The following CARD8 variants were observed in gnomAD, a reference collection of about 807,000 sequenced individuals.
CARD8 encodes caspase recruitment domain family member 8.
Under a neutral mutation model 53.2 loss-of-function variants are expected in CARD8, and 38 were observed. That is an observed-to-expected ratio of 0.71 (90% confidence interval 0.55 to 0.94). The LOEUF (loss-of-function observed/expected upper bound fraction) is 0.94. Among genes scored for constraint, CARD8 ranks in the 40% least tolerant of loss-of-function variants. CARD8 has a pLI of 0.00. For missense variants in CARD8, 561 were observed against 655.5 expected, an observed-to-expected ratio of 0.86 and a Z score of 1.57; for synonymous variants, 245 against 244.9, an observed-to-expected ratio of 1.00 and a Z score of 0.00.
intron 11 of CARD8, 29 bp downstream of exon 11, chr19:48,221,701 C>T (rs376143416): frequency 1.5e-4 from 219 of 1,483,796 alleles, no homozygotes; most frequent in Middle Eastern, 1.1e-3. Flanking sequence ...ACTCTGAAAC[C>T]TGCTGAGTTG....
intron 10 of CARD8, among the ~76,000 whole-genome samples, chr19:48,227,377 C>T (rs75607266): frequency 0.04 from 6,127 of 151,804 alleles, 393 homozygotes; most frequent in African/African-American, 0.13. Flanking sequence ...AGTTACGAGA[C>T]GAAGAATTCA....
chr19:48,220,057 T>TTTTA (rs1419508715), intron 11 of CARD8, among the ~76,000 whole-genome samples: 4 of 152,214 alleles, frequency 2.6e-5, no homozygotes, highest in African/African-American at 9.6e-5. Flanking sequence ...ATACCCTGCA[T>TTTTA]TTTATTTATT....
rs918764885 is a variant in CARD8 at position 48,208,389 on chromosome 19, C to T, written c.*3321G>A. The T allele has an allele frequency of 3.9e-5, 6 of 152,166 alleles. No homozygotes were observed. Among genetic ancestry groups the T allele is most frequent in the African/African-American group, 1.4e-4 (6 of 41,452 alleles). 9.4% of individuals were successfully genotyped at this position (152,166 alleles called of 1,614,324 possible). On this transcript the variant is annotated 3_prime_UTR_variant, in exon 14 of 14. Coordinates refer to ENST00000651546, the MANE Select transcript of CARD8 (RefSeq NM_001184900.3). Reference sequence around the variant, plus strand: ...TACACTGCACCCAATCTCATAGGCACACACAGGATAGATCCGAATACCACT... The same window carrying T: ...TACACTGCACCCAATCTCATAGGCATACACAGGATAGATCCGAATACCACT...
At chr19:48,220,980 AGG>A (rs1334871758) in intron 11 of CARD8, among the ~76,000 whole-genome samples, 13 of 97,860 alleles carry the variant, frequency 1.3e-4, no homozygotes, top group East Asian at 3.1e-4. Flanking sequence ...GAAGGAAGGA[AGG>A]AAGGAAGGAA....
intron 8 of CARD8, 42 bp from the exon 9 acceptor site, chr19:48,231,048 G>T (rs1236425241): frequency 1.3e-6 from 2 of 1,532,656 alleles, no homozygotes; most frequent in African/African-American, 1.4e-5. Flanking sequence ...AGAACCCCAG[G>T]ACTTGGATTT....
intron 3 of CARD8, among the ~76,000 whole-genome samples, chr19:48,244,319 A>C (rs369495062): frequency 5.9e-5 from 9 of 152,340 alleles, no homozygotes; most frequent in East Asian, 1.9e-4. Context: ...AAAGTCCATG[A>C]AAACTCCATT....
At chr19:48,204,320 G>A (rs1002055276), downstream of CARD8, 1 of 395,636 alleles carries the variant, frequency 2.5e-6, no homozygotes, top group East Asian at 7.5e-5. Context: ...GAGGGATGGA[G>A]GGTGTGCCGG....
At chr19:48,215,408 T>C (rs757126243) in intron 12 of CARD8, 24 bp from the exon 13 acceptor site, 1 of 1,555,088 alleles carries the variant, frequency 6.4e-7, no homozygotes, top group Non-Finnish European at 8.9e-7. Flanking sequence ...AAAAATTATA[T>C]GATGAGATGA....
At chr19:48,227,313 G>T (rs779469315) in intron 10 of CARD8, among the ~76,000 whole-genome samples, 1 of 152,134 alleles carries the variant, frequency 6.6e-6, no homozygotes, top group Non-Finnish European at 1.5e-5. Flanking sequence ...GAGCTCTGGA[G>T]AATGTTCAGG....
chr19:48,229,934 GA>G (rs1331500458), intron 10 of CARD8, among the ~76,000 whole-genome samples: 1 of 152,140 alleles, frequency 6.6e-6, no homozygotes, highest in African/African-American at 2.4e-5. Flanking sequence ...CCAACATGGT[GA>G]AACCCCGTCT....
At chr19:48,205,792 G>A (rs954786682), downstream of CARD8, among the ~76,000 whole-genome samples, 3 of 152,224 alleles carry the variant, frequency 2.0e-5, no homozygotes, top group African/African-American at 4.8e-5. Flanking sequence ...TCTGGGAAAT[G>A]TGAGTAGGGA....
At chr19:48,230,028 G>T (rs373596729) in intron 10 of CARD8, among the ~76,000 whole-genome samples, 1 of 152,056 alleles carries the variant, frequency 6.6e-6, no homozygotes, top group Non-Finnish European at 1.5e-5. Context: ...CAGGAGAATC[G>T]CTTGAACCCG....
intron 13 of CARD8, among the ~76,000 whole-genome samples, chr19:48,214,779 T>C: frequency 8.2e-4 from 15 of 18,324 alleles, no homozygotes; most frequent in South Asian, 2.8e-3. Context: ...CTTTTTTTTT[T>C]TTTTTTTTTT....
At chr19:48,243,868 T>C (rs868606253) in intron 3 of CARD8, among the ~76,000 whole-genome samples, 116 of 150,954 alleles carry the variant, frequency 7.7e-4, no homozygotes, top group African/African-American at 2.0e-3. Context: ...GAAATGGAAT[T>C]TTTTCCTTAT....
At chr19:48,240,325 C>T (rs1041304883) in intron 4 of CARD8, among the ~76,000 whole-genome samples, 3 of 152,172 alleles carry the variant, frequency 2.0e-5, no homozygotes, top group African/African-American at 7.2e-5. Context: ...AGAGCGTGGT[C>T]AAGGCCATAG....
chr19:48,242,520 A>T (rs908407419), intron 3 of CARD8: 10 of 152,196 alleles, frequency 6.6e-5, no homozygotes, highest in African/African-American at 2.2e-4. Flanking sequence ...GTCCATCCAT[A>T]TTATACCGCA....
intron 3 of CARD8, among the ~76,000 whole-genome samples, chr19:48,242,283 G>C (rs1291635783): frequency 6.6e-6 from 1 of 152,152 alleles, no homozygotes; most frequent in Non-Finnish European, 1.5e-5. Flanking sequence ...GGCGCAGCAA[G>C]AAGTCAGCCG....
At chr19:48,225,366 C>A (rs2041553430) in intron 10 of CARD8, among the ~76,000 whole-genome samples, 1 of 152,058 alleles carries the variant, frequency 6.6e-6, no homozygotes, top group South Asian at 2.1e-4. Flanking sequence ...TGGCGCATGC[C>A]TGTAGTCTCA....
downstream of CARD8, among the ~76,000 whole-genome samples, chr19:48,207,404 T>TA (rs2037396524): frequency 6.6e-6 from 1 of 152,158 alleles, no homozygotes. Flanking sequence ...CAGCAGAACT[T>TA]ACATTTGTGC....
Sources: gnomAD v4.1 joint callset for allele counts (sites outside exome capture counted in the v4.1 genomes callset) on GRCh38, gnomAD v4.1.1 for gene constraint, MANE v1.5 for transcripts, NCBI Gene and HGNC (gene_info 2026-07-23, HGNC 2026-07-21) for gene names.